The following CSNK1G1 variants were observed in gnomAD, a reference collection of about 807,000 sequenced individuals.
CSNK1G1 encodes the protein casein kinase 1 gamma 1, also known as casein kinase I isoform gamma-1.
A neutral mutation model predicts 59.6 loss-of-function variants in CSNK1G1; 22 were observed. That is an observed-to-expected ratio of 0.37 (90% CI 0.26 to 0.53). The LOEUF (loss-of-function observed/expected upper bound fraction) is 0.53. CSNK1G1 is among the 20% of genes least tolerant of loss of function. CSNK1G1 has a pLI of 0.89. For missense variants in CSNK1G1, 384 were observed against 519.5 expected (o/e 0.74, Z 2.54); for synonymous variants, 179 against 177.1 (o/e 1.01, Z -0.08).
At chr15:64,263,499 C>T (rs1339564553) in intron 2 of CSNK1G1, among the ~76,000 whole-genome samples, 2 of 152,122 alleles carry the variant, frequency 1.3e-5, no homozygotes, top group Non-Finnish European at 1.5e-5. Context: ...AGTGTGCAAC[C>T]TTTTCCTTAT....
intron 2 of CSNK1G1, among the ~76,000 whole-genome samples, chr15:64,277,809 T>TTAATATTGATATATTTAATAA (rs1259736707): frequency 1.5e-5 from 2 of 132,106 alleles, no homozygotes; most frequent in Non-Finnish European, 3.1e-5. Flanking sequence ...ATTTAATATA[T>TTAATATTGATATATTTAATAA]TAATATTGAT....
In CSNK1G1 at chr15:64,192,189, T is replaced by C. The variant is rs143348067; in HGVS notation, c.1107+10893A>G. Among the ~76,000 whole-genome samples the C allele has an allele frequency of 1.4e-4, 22 of 152,332 alleles. No homozygotes were observed. In the East Asian group the frequency reaches 4.1e-3, roughly 28 times the overall value. On this transcript the variant is annotated intron_variant, in intron 10 of 11. Coordinates refer to ENST00000303052, the MANE Select transcript of CSNK1G1 (RefSeq NM_022048.5). Reference sequence around the variant, plus strand: ...TAAAGATCACTCATGCATACACATCTAATTAAATGTCACTCAAGAGGTGCA... The same window carrying C: ...TAAAGATCACTCATGCATACACATCCAATTAAATGTCACTCAAGAGGTGCA...
intron 4 of CSNK1G1, among the ~76,000 whole-genome samples, chr15:64,242,445 A>C (rs1319037305): frequency 6.6e-6 from 1 of 152,064 alleles, no homozygotes; most frequent in Non-Finnish European, 1.5e-5. Context: ...ATTGTGATGT[A>C]CCAGTCCCCA....
intron 10 of CSNK1G1, among the ~76,000 whole-genome samples, chr15:64,191,686 T>TA (rs2081973372): frequency 6.6e-6 from 1 of 152,188 alleles, no homozygotes; most frequent in South Asian, 2.1e-4. Context: ...CTTTTAAAGA[T>TA]AAATAGAAAA....
chr15:64,280,641 G>GT (rs1566931977), intron 2 of CSNK1G1, among the ~76,000 whole-genome samples: 1 of 151,780 alleles, frequency 6.6e-6, no homozygotes, highest in African/African-American at 2.4e-5. Context: ...GATTACAGGC[G>GT]TGAGCCACTG....
intron 2 of CSNK1G1, among the ~76,000 whole-genome samples, chr15:64,298,514 T>C (rs756578766): frequency 2.6e-4 from 40 of 151,764 alleles, no homozygotes; most frequent in Non-Finnish European, 5.7e-4. Flanking sequence ...TAGCATCTGC[T>C]GGCTTTGGTA....
At chr15:64,280,889 C>CT (rs1019602334) in intron 2 of CSNK1G1, among the ~76,000 whole-genome samples, 12 of 150,622 alleles carry the variant, frequency 8.0e-5, no homozygotes, top group East Asian at 2.0e-4. Context: ...ATTCTTTTTT[C>CT]TTTTTTTTGA....
At chr15:64,333,887 C>T (rs1897246329) in intron 1 of CSNK1G1, among the ~76,000 whole-genome samples, 1 of 152,078 alleles carries the variant, frequency 6.6e-6, no homozygotes, top group Non-Finnish European at 1.5e-5. Context: ...TCTGGAGCAT[C>T]TAGATTCATA....
chr15:64,247,901 C>T (rs1046140765), intron 4 of CSNK1G1, among the ~76,000 whole-genome samples: 2 of 152,192 alleles, frequency 1.3e-5, no homozygotes, highest in African/African-American at 2.4e-5. Flanking sequence ...TAATTTCATA[C>T]ATTTATAAGC....
At chr15:64,242,214 A>C (rs1003311770) in intron 4 of CSNK1G1, among the ~76,000 whole-genome samples, 4 of 152,210 alleles carry the variant, frequency 2.6e-5, no homozygotes, top group Admixed American at 2.6e-4. Context: ...TTATTCCATC[A>C]AAGGAAAGGC....
intron 10 of CSNK1G1, among the ~76,000 whole-genome samples, chr15:64,191,445 C>G (rs1023654008): frequency 6.6e-6 from 1 of 151,976 alleles, no homozygotes; most frequent in Admixed American, 6.6e-5. Context: ...GTTAAGAAAA[C>G]CCTGGACAGC....
chr15:64,287,607 T>C (rs533815675), intron 2 of CSNK1G1, among the ~76,000 whole-genome samples: 5 of 152,304 alleles, frequency 3.3e-5, no homozygotes, highest in African/African-American at 1.2e-4. Context: ...TTCAAAGGTT[T>C]GATCCAATTC....
Position 64,236,492 on chromosome 15 carries a change from T to C in CSNK1G1, c.292+15020A>G, listed in dbSNP as rs562657107. ...TTTAAAAGTGGGAAAAGAACATTAA[T>C]AGACATTTTTCAAAAGAAGACACAC... On this transcript the variant is annotated intron_variant, in intron 4 of 11. Transcript: ENST00000303052. Among the ~76,000 whole-genome samples, 11 of 152,242 alleles carry C rather than the reference T, an allele frequency of 7.2e-5. No homozygotes were observed. In the East Asian group the frequency reaches 7.7e-4, roughly 11 times the overall value.
intron 1 of CSNK1G1, among the ~76,000 whole-genome samples, chr15:64,320,805 C>T (rs568916572): frequency 2.6e-5 from 4 of 151,642 alleles, no homozygotes; most frequent in Non-Finnish European, 4.4e-5. Flanking sequence ...TTTATATGTT[C>T]GCAATTAATT....
intron 1 of CSNK1G1, among the ~76,000 whole-genome samples, chr15:64,351,268 T>C (rs1052428021): frequency 2.6e-5 from 4 of 152,212 alleles, no homozygotes; most frequent in African/African-American, 9.7e-5. Flanking sequence ...TCACTCCTGA[T>C]TGTATAGCGC....
intron 1 of CSNK1G1, among the ~76,000 whole-genome samples, chr15:64,347,626 AG>A (rs1898050256): frequency 6.6e-6 from 1 of 151,340 alleles, no homozygotes; most frequent in African/African-American, 2.4e-5. Context: ...GAAGGAAGGA[AG>A]GAAGGAAGGA....
chr15:64,292,920 C>T (rs946174275), intron 2 of CSNK1G1, among the ~76,000 whole-genome samples: 1 of 151,764 alleles, frequency 6.6e-6, no homozygotes, highest in Non-Finnish European at 1.5e-5. Flanking sequence ...GAGCGAGACT[C>T]CATCTCATAA....
At chr15:64,205,359 C>G (rs1316977831) in intron 7 of CSNK1G1, among the ~76,000 whole-genome samples, 1 of 152,036 alleles carries the variant, frequency 6.6e-6, no homozygotes, top group Non-Finnish European at 1.5e-5. Context: ...GTGGGGGAAA[C>G]AGATAAGTAA....
At chr15:64,230,537 G>A (rs1190806161) in intron 4 of CSNK1G1, among the ~76,000 whole-genome samples, 2 of 152,060 alleles carry the variant, frequency 1.3e-5, no homozygotes, top group African/African-American at 4.8e-5. Context: ...GGCTCGAGCA[G>A]TTCTCCCACC....
Sources: gnomAD v4.1 joint callset for allele counts (sites outside exome capture counted in the v4.1 genomes callset) on GRCh38, gnomAD v4.1.1 for gene constraint, MANE v1.5 for transcripts, NCBI Gene and HGNC (gene_info 2026-07-23, HGNC 2026-07-21) for gene names.